The following MED15 variants were observed in gnomAD, a reference collection of about 807,000 sequenced individuals.
MED15 encodes the protein mediator of RNA polymerase II transcription subunit 15.
MED15 carries 41 observed loss-of-function variants against 118.7 expected under a neutral mutation model. That is an observed-to-expected ratio of 0.35 (90% CI 0.27 to 0.45). MED15 has a LOEUF of 0.45. Among genes scored for constraint, MED15 ranks in the 20% least tolerant of loss-of-function variants. MED15 has a pLI of 1.00. For synonymous variants in MED15, 436 were observed against 413.9 expected (o/e 1.05, Z -0.65); for missense variants, 740 against 1,025.5 (o/e 0.72, Z 3.80).
chr22:20,563,803 T>C (rs1342038701), intron 5 of MED15, among the ~76,000 whole-genome samples: 2 of 152,234 alleles, frequency 1.3e-5, no homozygotes, highest in African/African-American at 4.8e-5. Context: ...CCATCTGAAG[T>C]GCTCCACTCG....
chr22:20,517,852 A>ATTTT (rs59692711), intron 1 of MED15, among the ~76,000 whole-genome samples: 16 of 151,610 alleles, frequency 1.1e-4, no homozygotes, highest in African/African-American at 2.7e-4. Flanking sequence ...AATTAGATCC[A>ATTTT]TTTTTTTTCT....
intron 1 of MED15, among the ~76,000 whole-genome samples, chr22:20,508,638 C>G (rs1414500945): frequency 6.6e-6 from 1 of 152,074 alleles, no homozygotes; most frequent in African/African-American, 2.4e-5. Flanking sequence ...TTACAAAGAA[C>G]CTTCTTAAGG....
At chr22:20,581,706 A>G (rs1427693945) in intron 9 of MED15, among the ~76,000 whole-genome samples, 1 of 152,090 alleles carries the variant, frequency 6.6e-6, no homozygotes, top group Admixed American at 6.5e-5. Flanking sequence ...TCTGTGCTCC[A>G]CCCCAGGAAG....
chr22:20,573,247 C>T (rs1214501094), intron 8 of MED15, among the ~76,000 whole-genome samples: 1 of 152,168 alleles, frequency 6.6e-6, no homozygotes, highest in Non-Finnish European at 1.5e-5. Context: ...GAATTACAGG[C>T]GTAAGCCACT....
chr22:20,529,297 G>C (rs895844427), intron 1 of MED15, among the ~76,000 whole-genome samples: 3 of 152,134 alleles, frequency 2.0e-5, no homozygotes, highest in Non-Finnish European at 2.9e-5. Context: ...ACCCAGGCTG[G>C]AGTGCAGTGG....
chr22:20,529,662 G>A (rs1380815865), intron 1 of MED15, among the ~76,000 whole-genome samples: 1 of 151,762 alleles, frequency 6.6e-6, no homozygotes, highest in African/African-American at 2.4e-5. Flanking sequence ...TGCAGTGGTG[G>A]GATCTTGGCT....
chr22:20,519,810 A>G (rs879761690), intron 1 of MED15, among the ~76,000 whole-genome samples: 1 of 152,160 alleles, frequency 6.6e-6, no homozygotes, highest in African/African-American at 2.4e-5. Context: ...AGGACAGTAA[A>G]AGCACTCAGG....
At chr22:20,509,267 A>G (rs2053981959) in intron 1 of MED15, among the ~76,000 whole-genome samples, 1 of 152,148 alleles carries the variant, frequency 6.6e-6, no homozygotes, top group Non-Finnish European at 1.5e-5. Context: ...TCTTTGGAGT[A>G]GTGAAATGCC....
intron 2 of MED15, among the ~76,000 whole-genome samples, chr22:20,542,035 C>A (rs1356958700): frequency 6.6e-6 from 1 of 152,078 alleles, no homozygotes; most frequent in Non-Finnish European, 1.5e-5. Context: ...CTCAGGTGGT[C>A]TACCCATCTT....
chr22:20,568,447 G>A, intron 7 of MED15, 74 bp from the exon 8 acceptor site: 1 of 1,560,686 alleles, frequency 6.4e-7, no homozygotes, highest in Non-Finnish European at 8.7e-7. Flanking sequence ...CATTTCCTAA[G>A]CTTCCACAGG....
At chr22:20,566,960 C>T (rs1028468490) in intron 7 of MED15, 143 bp downstream of exon 7, 30 of 1,435,046 alleles carry the variant, frequency 2.1e-5, no homozygotes, top group South Asian at 2.7e-5. Flanking sequence ...CCAGCCCTGC[C>T]GACTCTAGCA....
chr22:20,585,583 C>A, intron 16 of MED15, 145 bp from the exon 17 acceptor site: 1 of 782,826 alleles, frequency 1.3e-6, no homozygotes, highest in Non-Finnish European at 2.1e-6. Flanking sequence ...GTTTGGAAAT[C>A]TGAGAGTCAG....
intron 2 of MED15, among the ~76,000 whole-genome samples, chr22:20,542,271 G>A (rs1052457427): frequency 6.6e-6 from 1 of 152,160 alleles, no homozygotes; most frequent in African/African-American, 2.4e-5. Context: ...ATACACAAAT[G>A]TTTATAGCAT....
At chr22:20,538,586 A>G (rs2055169362) in intron 2 of MED15, among the ~76,000 whole-genome samples, 1 of 152,168 alleles carries the variant, frequency 6.6e-6, no homozygotes, top group South Asian at 2.1e-4. Flanking sequence ...ACCTGTTAGC[A>G]GTCACACTCC....
intron 9 of MED15, among the ~76,000 whole-genome samples, chr22:20,577,678 T>G (rs902187787): frequency 4.6e-5 from 7 of 151,854 alleles, no homozygotes; most frequent in Admixed American, 1.3e-4. Context: ...GAGAGCGCTC[T>G]CATGGGAAGA....
At chr22:20,537,992 G>C (rs942218066) in intron 2 of MED15, among the ~76,000 whole-genome samples, 2 of 152,168 alleles carry the variant, frequency 1.3e-5, no homozygotes, top group African/African-American at 4.8e-5. Flanking sequence ...GGATACGTTT[G>C]ATAAGCTTTT....
Position 20,584,866 on chromosome 22 carries a change from A to G in MED15, c.1815A>G (p.Pro605=), listed in dbSNP as rs754336211. 2 of 1,606,122 alleles carry G rather than the reference A, an allele frequency of 1.2e-6. No homozygotes were observed. The highest frequency in any genetic ancestry group is 1.7e-6 in the Non-Finnish European group (2 of 1,177,030). ...CATCCTGTCTCCAGCCCACTCCCCC[A>G]CCGCCCCCGGTGCCACCGACCAAAC... ...LKNDMAVPTP[P]PPPVPPTKQQ... Residue 605 remains proline, a synonymous_variant, in exon 15 of 18, where the codon CCA becomes CCG. Transcript: ENST00000263205.
chr22:20,527,997 C>CA (rs900546111), intron 1 of MED15, among the ~76,000 whole-genome samples: 2 of 151,526 alleles, frequency 1.3e-5, no homozygotes, highest in Non-Finnish European at 2.9e-5. Flanking sequence ...GACCTCAAGT[C>CA]ATCCTCTCGC....
Position 20,587,554 on chromosome 22 carries a change from G to T in MED15, c.*850G>T, listed in dbSNP as rs1214633682. On this transcript the variant is annotated 3_prime_UTR_variant, in exon 18 of 18. Coordinates refer to ENST00000263205, the MANE Select transcript of MED15 (RefSeq NM_001003891.3). ...CGGCCAGCACCCTCTGGTGAGAAGA[G>T]GTCCCCCCTTTTTATGTGCACTACC... 2.7e-6 allele frequency: 1 copy of T among 366,580 alleles called. No individual in the cohort carries two copies. The highest frequency in any genetic ancestry group is 5.6e-5 in the East Asian group (1 of 17,966). 22.7% of individuals were successfully genotyped at this position (366,580 alleles called of 1,614,324 possible). A position where few individuals can be genotyped will look rare whatever the true frequency, so the allele number is the denominator to read the frequency against.
Sources: gnomAD v4.1 joint callset for allele counts (sites outside exome capture counted in the v4.1 genomes callset) on GRCh38, gnomAD v4.1.1 for gene constraint, MANE v1.5 for transcripts, NCBI Gene and HGNC (gene_info 2026-07-23, HGNC 2026-07-21) for gene names.